Variants in KHDRBS2 observed in about 807,000 individuals in gnomAD.
KHDRBS2 encodes the protein KH RNA binding domain containing, signal transduction associated 2, also known as KH domain-containing, RNA-binding, signal transduction-associated protein 2.
Under a neutral mutation model 44.3 loss-of-function variants are expected in KHDRBS2, and 26 were observed. The ratio of observed to expected loss-of-function variants is 0.59; its 90% CI spans 0.43 to 0.81. KHDRBS2 has a LOEUF of 0.81. Among genes scored for constraint, KHDRBS2 ranks in the 40% least tolerant of loss-of-function variants. The pLI is 0.00. For synonymous variants in KHDRBS2, 194 were observed against 151.1 expected (o/e 1.28, Z -2.08); for missense variants, 476 against 433.1 (o/e 1.10, Z -0.88).
intron 2 of KHDRBS2, among the ~76,000 whole-genome samples, chr6:62,074,766 G>A (rs1263868187): frequency 6.6e-6 from 1 of 151,716 alleles, no homozygotes; most frequent in African/African-American, 2.4e-5. Context: ...TTAGACTTGA[G>A]CTAAATGTTC....
At chr6:62,235,412 C>CT (rs1833552321) in intron 1 of KHDRBS2, among the ~76,000 whole-genome samples, 1 of 151,936 alleles carries the variant, frequency 6.6e-6, no homozygotes. Flanking sequence ...TTTTAGCAAA[C>CT]TTGAAACTGA....
intron 3 of KHDRBS2, among the ~76,000 whole-genome samples, chr6:61,984,156 G>A (rs1432542498): frequency 1.3e-5 from 2 of 152,094 alleles, no homozygotes; most frequent in Admixed American, 6.6e-5. Context: ...CATGACTACA[G>A]CCATACCACT....
chr6:61,817,037 A>C (rs912655374), intron 6 of KHDRBS2: 4 of 447,678 alleles, frequency 8.9e-6, no homozygotes, highest in African/African-American at 8.0e-5. Flanking sequence ...CAGAGGTATG[A>C]GTTCTATATT....
chr6:61,855,535 A>G (rs1042206859), intron 6 of KHDRBS2, among the ~76,000 whole-genome samples: 1 of 151,740 alleles, frequency 6.6e-6, no homozygotes, highest in Non-Finnish European at 1.5e-5. Flanking sequence ...TATTAGAACT[A>G]CATCTCTTTG....
intron 3 of KHDRBS2, among the ~76,000 whole-genome samples, chr6:62,013,876 T>G (rs1253603488): frequency 1.3e-5 from 2 of 152,068 alleles, no homozygotes; most frequent in Admixed American, 6.6e-5. Context: ...CGCAGAACGG[T>G]TTAAATAGCA....
intron 1 of KHDRBS2, among the ~76,000 whole-genome samples, chr6:62,246,136 A>ATATATATATATATATAT (rs1563129377): frequency 4.3e-5 from 6 of 139,096 alleles, no homozygotes; most frequent in Non-Finnish European, 6.2e-5. Context: ...ATATATATAT[A>ATATATATATATATATAT]ATCAATGTTA....
At chr6:62,251,431 T>A (rs1042737984) in intron 1 of KHDRBS2, among the ~76,000 whole-genome samples, 2 of 151,990 alleles carry the variant, frequency 1.3e-5, no homozygotes, top group Admixed American at 6.6e-5. Context: ...CATCTAAGTT[T>A]GCAATTATTT....
chr6:62,180,369 C>CA (rs1822018465), intron 1 of KHDRBS2, among the ~76,000 whole-genome samples: 1 of 151,562 alleles, frequency 6.6e-6, no homozygotes, highest in South Asian at 2.1e-4. Flanking sequence ...AATCAACATC[C>CA]AAAAATCAGT....
chr6:61,829,194 C>T (rs1791397378), intron 6 of KHDRBS2, among the ~76,000 whole-genome samples: 1 of 152,220 alleles, frequency 6.6e-6, no homozygotes, highest in Non-Finnish European at 1.5e-5. Context: ...CGCAGTCTCG[C>T]TCTGTCGCCC....
intron 6 of KHDRBS2, among the ~76,000 whole-genome samples, chr6:61,737,577 T>A (rs1180119820): frequency 6.6e-6 from 1 of 152,076 alleles, no homozygotes; most frequent in Non-Finnish European, 1.5e-5. Flanking sequence ...TGGTATATCC[T>A]TATTGCATAA....
At chr6:62,169,127 ACATATACACACATATATGTG>A (rs1465099009) in intron 2 of KHDRBS2, among the ~76,000 whole-genome samples, 1 of 132,168 alleles carries the variant, frequency 7.6e-6, no homozygotes, top group African/African-American at 2.8e-5. Context: ...GTGTATATAT[ACATATACACACATATATGTG>A]TGTATATATA....
chr6:61,820,408 T>G (rs476530), intron 6 of KHDRBS2, among the ~76,000 whole-genome samples: 33,762 of 151,772 alleles, frequency 0.22, 4,613 homozygotes, highest in South Asian at 0.35. Flanking sequence ...GATTTTGGGC[T>G]TGAGCAGTGG....
At chr6:61,824,031 T>A (rs1790434050) in intron 6 of KHDRBS2, among the ~76,000 whole-genome samples, 2 of 151,994 alleles carry the variant, frequency 1.3e-5, no homozygotes, top group Non-Finnish European at 2.9e-5. Flanking sequence ...CAAAAGAAAA[T>A]TTTTTAATTT....
chr6:62,203,529 A>G (rs1827395342), intron 1 of KHDRBS2, among the ~76,000 whole-genome samples: 1 of 152,146 alleles, frequency 6.6e-6, no homozygotes, highest in African/African-American at 2.4e-5. Context: ...GCACTGTGAA[A>G]GAATGAGTGT....
the KHDRBS2 span, among the ~76,000 whole-genome samples, chr6:61,660,022 C>T: frequency 1.3e-5 from 2 of 151,768 alleles, no homozygotes; most frequent in African/African-American, 4.8e-5. Flanking sequence ...TTATTGTTGA[C>T]ATGTTATTAT....
intron 2 of KHDRBS2, among the ~76,000 whole-genome samples, chr6:62,080,971 G>C (rs1372795547): frequency 2.6e-5 from 4 of 152,018 alleles, no homozygotes; most frequent in Admixed American, 1.3e-4. Flanking sequence ...GAACGGTAAG[G>C]CTCCCCACTG....
At chr6:61,955,731 G>A (rs1386981484) in intron 4 of KHDRBS2, among the ~76,000 whole-genome samples, 3 of 82,432 alleles carry the variant, frequency 3.6e-5, no homozygotes, top group Non-Finnish European at 7.4e-5. Context: ...TACATATATA[G>A]ACAGAGAGAG....
At chr6:62,166,405 T>C (rs1276791603) in intron 2 of KHDRBS2, among the ~76,000 whole-genome samples, 5 of 152,032 alleles carry the variant, frequency 3.3e-5, no homozygotes, top group Non-Finnish European at 7.4e-5. Context: ...TTAAGAAGGT[T>C]CTTTATAAAA....
At chr6:61,598,925 G>A in the KHDRBS2 span, among the ~76,000 whole-genome samples, 1 of 126,002 alleles carries the variant, frequency 7.9e-6, no homozygotes, top group Non-Finnish European at 1.6e-5. Flanking sequence ...TTGTGTTTTT[G>A]TTTTTCTGCT....
Sources: allele counts gnomAD v4.1 joint callset (sites outside exome capture counted in the v4.1 genomes callset), GRCh38; gene constraint gnomAD v4.1.1; transcripts MANE v1.5; gene names NCBI Gene and HGNC (gene_info 2026-07-23, HGNC 2026-07-21).